Variants in PREX2 observed in about 807,000 individuals in gnomAD.
PREX2 encodes the protein phosphatidylinositol-3,4,5-trisphosphate dependent Rac exchange factor 2.
A neutral mutation model predicts 203.2 loss-of-function variants in PREX2; 107 were observed. The observed-to-expected ratio is 0.53, with a 90% CI of 0.45 to 0.62. PREX2 has a LOEUF of 0.62. PREX2 is among the 20% of genes least tolerant of loss of function. PREX2 has a pLI of 0.00. For missense variants in PREX2, 1,777 were observed against 1,955.9 expected, an observed-to-expected ratio of 0.91 and a Z score of 1.72; for synonymous variants, 672 against 663.6, an observed-to-expected ratio of 1.01 and a Z score of -0.19.
At chr8:68,026,070 A>G (rs1807707002) in intron 4 of PREX2, among the ~76,000 whole-genome samples, 1 of 152,120 alleles carries the variant, frequency 6.6e-6, no homozygotes, top group Admixed American at 6.6e-5. Flanking sequence ...ATAGTTTGAA[A>G]GAATATTTTG....
intron 1 of PREX2, among the ~76,000 whole-genome samples, chr8:67,979,797 C>A (rs1451995255): frequency 6.6e-6 from 1 of 152,160 alleles, no homozygotes; most frequent in Non-Finnish European, 1.5e-5. Flanking sequence ...ACTATGATGT[C>A]TTTTACATCT....
chr8:68,096,990 A>G (rs1375884584), intron 21 of PREX2, 27 bp from the exon 22 acceptor site: 1 of 1,576,716 alleles, frequency 6.3e-7, no homozygotes, highest in Non-Finnish European at 8.7e-7. Flanking sequence ...TCATGAATTT[A>G]CTGAGTTACA....
At chr8:68,135,326 T>C (rs961653766) in intron 32 of PREX2, among the ~76,000 whole-genome samples, 2 of 152,192 alleles carry the variant, frequency 1.3e-5, no homozygotes, top group African/African-American at 4.8e-5. Flanking sequence ...TATTTACAAA[T>C]CATATATTTG....
intron 6 of PREX2, among the ~76,000 whole-genome samples, chr8:68,036,597 A>AT (rs143528282): frequency 0.076 from 11,462 of 150,694 alleles, 1,314 homozygotes; most frequent in African/African-American, 0.25. Flanking sequence ...AAATTCTGTA[A>AT]TTTTTTTTTT....
chr8:68,217,592 ACTT>A (rs1434718196), intron 37 of PREX2, 21 bp from the exon 38 acceptor site: 1 of 1,589,322 alleles, frequency 6.3e-7, no homozygotes, highest in Non-Finnish European at 8.6e-7. Context: ...ATGGGGTCTG[ACTT>A]GCCCTTGCCT....
rs973114861 is a variant in PREX2, at chr8:68,053,145, A to G, written c.992A>G (p.His331Arg). 1 of 1,613,662 alleles carries G rather than the reference A, an allele frequency of 6.2e-7. No individual in the cohort carries two copies. Among genetic ancestry groups the G allele is most frequent in the Non-Finnish European group, 8.5e-7 (1 of 1,179,664 alleles). Reference sequence around the variant, plus strand: ...ATTGTTGTTAATGGATGGAAGATACATAACACAGCAAAAAATAAATGGTTT... The same window carrying G: ...ATTGTTGTTAATGGATGGAAGATACGTAACACAGCAAAAAATAAATGGTTT... ...GHIVVNGWKI[H>R]NTAKNKWFVC... is the part of the protein sequence containing the mutation. The change falls in exon 9 of 40, where the codon CAT becomes CGT. Residue 331 changes from histidine (H) to arginine (R), a missense_variant. Physicochemically the swap from His to Arg is conservative, Grantham distance 29. Transcript: ENST00000288368.
intron 8 of PREX2, 117 bp from the exon 9 acceptor site, chr8:68,052,980 C>G (rs1808565709): frequency 1.2e-6 from 1 of 834,922 alleles, no homozygotes; most frequent in African/African-American, 1.7e-5. Flanking sequence ...ATATGTAAAG[C>G]AAAGAGATGT....
chr8:68,110,907 A>G, intron 25 of PREX2: 1 of 435,496 alleles, frequency 2.3e-6, no homozygotes, highest in South Asian at 1.7e-5. Context: ...TTTGTATATT[A>G]TACTGTGACT....
chr8:68,123,000 T>C (rs532817420), intron 30 of PREX2, among the ~76,000 whole-genome samples: 38 of 152,200 alleles, frequency 2.5e-4, no homozygotes, highest in African/African-American at 8.9e-4. Flanking sequence ...GATAGAGATA[T>C]CTGTAGATGT....
At chr8:68,197,904 T>C (rs910181755) in intron 37 of PREX2, among the ~76,000 whole-genome samples, 2 of 151,828 alleles carry the variant, frequency 1.3e-5, no homozygotes, top group Non-Finnish European at 2.9e-5. Context: ...CACAGTTAAC[T>C]GAACTATTAG....
intron 37 of PREX2, among the ~76,000 whole-genome samples, chr8:68,215,337 A>G (rs537907188): frequency 1.8e-4 from 27 of 152,210 alleles, no homozygotes; most frequent in Non-Finnish European, 3.2e-4. Flanking sequence ...AAGCACAGAC[A>G]TATTTCAGCA....
At chr8:68,184,710 ATC>A (rs1426876748) in intron 35 of PREX2, among the ~76,000 whole-genome samples, 1 of 152,160 alleles carries the variant, frequency 6.6e-6, no homozygotes, top group Non-Finnish European at 1.5e-5. Flanking sequence ...GGCCTTAATC[ATC>A]TCTCTTAAGA....
chr8:68,077,213 AG>A (rs1279422153), intron 14 of PREX2, among the ~76,000 whole-genome samples, 183 bp from the exon 15 acceptor site: 3 of 152,246 alleles, frequency 2.0e-5, no homozygotes, highest in Admixed American at 1.3e-4. Flanking sequence ...TAATGCCAAA[AG>A]AAAATGTTTT....
intron 10 of PREX2, among the ~76,000 whole-genome samples, chr8:68,058,997 A>G (rs1333447144): frequency 7.2e-6 from 1 of 138,134 alleles, no homozygotes; most frequent in African/African-American, 2.6e-5. Context: ...AAAATTAACA[A>G]CTTTTTCTGC....
intron 1 of PREX2, among the ~76,000 whole-genome samples, chr8:67,978,291 C>G (rs193244957): frequency 6.6e-6 from 1 of 152,190 alleles, no homozygotes; most frequent in Non-Finnish European, 1.5e-5. Flanking sequence ...TTCCCCATAT[C>G]CTTACACCTG....
At chr8:67,974,924 C>G (rs760472682) in intron 1 of PREX2, among the ~76,000 whole-genome samples, 12 of 152,168 alleles carry the variant, frequency 7.9e-5, no homozygotes, top group Non-Finnish European at 1.3e-4. Context: ...GTGTGCACAT[C>G]CAGTCTCTGC....
At position 68,217,650 on chromosome 8, in the gene PREX2, A is replaced by G; in HGVS notation, c.4639A>G (p.Ile1547Val). 2 of 1,614,178 alleles carry G rather than the reference A, an allele frequency of 1.2e-6. No individual in the cohort carries two copies. Among genetic ancestry groups the G allele is most frequent in the Non-Finnish European group, 1.7e-6 (2 of 1,180,010 alleles). ...GAGCGTGACGCTGGAGCAAGCCATC[A>G]TTCTGGCCAGAAGCCACGGACTGCC... The part of the protein sequence containing the change: ...TLSVTLEQAI[I>V]LARSHGLPPR... Residue 1547 changes from isoleucine to valine, a missense_variant, in exon 38 of 40, where the codon ATT becomes GTT. Transcript: ENST00000288368.
chr8:67,998,677 G>A (rs1806841892), intron 1 of PREX2, among the ~76,000 whole-genome samples: 1 of 152,146 alleles, frequency 6.6e-6, no homozygotes, highest in African/African-American at 2.4e-5. Context: ...TGACGAGGTG[G>A]GAGGGTTGCT....
chr8:68,078,826 C>T (rs373473877), intron 15 of PREX2, among the ~76,000 whole-genome samples: 185 of 152,118 alleles, frequency 1.2e-3, no homozygotes, highest in African/African-American at 4.2e-3. Context: ...TTTATCTAAG[C>T]GTTTATTATA....
Sources: allele counts gnomAD v4.1 joint callset (sites outside exome capture counted in the v4.1 genomes callset), GRCh38; gene constraint gnomAD v4.1.1; transcripts MANE v1.5; gene names NCBI Gene and HGNC (gene_info 2026-07-23, HGNC 2026-07-21).